Variants in MTAP observed in about 807,000 individuals in gnomAD.
MTAP encodes S-methyl-5'-thioadenosine phosphorylase.
In MTAP, 33 loss-of-function variants were observed where a neutral mutation model predicts 33.6. The ratio of observed to expected loss-of-function variants is 0.98; its 90% CI spans 0.74 to 1.31. MTAP has a LOEUF of 1.31. Ranked by LOEUF, MTAP falls within the 40% of genes most tolerant of loss-of-function variation. MTAP has a pLI of 0.00. For synonymous variants in MTAP, 148 were observed against 125.7 expected, an observed-to-expected ratio of 1.18 and a Z score of -1.19; for missense variants, 367 against 360.0, an observed-to-expected ratio of 1.02 and a Z score of -0.16.
intron 1 of MTAP, chr9:21,930,333 AAACCCAAGG>A (rs1477523575): frequency 4.7e-6 from 1 of 210,784 alleles, no homozygotes; most frequent in Non-Finnish European, 9.5e-6. Flanking sequence ...ACTTGTCTTA[AAACCCAAGG>A]AGCCTTCTGT....
chr9:21,921,162 A>G (rs1241009861), intron 1 of MTAP, among the ~76,000 whole-genome samples: 1 of 151,674 alleles, frequency 6.6e-6, no homozygotes, highest in Non-Finnish European at 1.5e-5. Context: ...TGTCTTTTAG[A>G]TTTTCCAAAA....
At chr9:21,840,000 G>A (rs1825204259) in intron 5 of MTAP, among the ~76,000 whole-genome samples, 1 of 152,220 alleles carries the variant, frequency 6.6e-6, no homozygotes, top group Non-Finnish European at 1.5e-5. Flanking sequence ...GCCAAGGCAG[G>A]CGGATCATGA....
intron 1 of MTAP, among the ~76,000 whole-genome samples, chr9:21,905,284 A>G (rs539487618): frequency 2.6e-5 from 4 of 151,982 alleles, no homozygotes; most frequent in African/African-American, 9.7e-5. Flanking sequence ...CCAGAAGGGG[A>G]ATGGAGTGTC....
intron 4 of MTAP, among the ~76,000 whole-genome samples, chr9:21,834,314 G>A (rs1437730677): frequency 2.0e-5 from 3 of 152,338 alleles, no homozygotes; most frequent in East Asian, 3.9e-4. Flanking sequence ...GAGTGGTAAA[G>A]CCAGTAGATA....
At chr9:21,929,303 C>G (rs1220926848) in intron 1 of MTAP, among the ~76,000 whole-genome samples, 2 of 152,172 alleles carry the variant, frequency 1.3e-5, no homozygotes, top group Non-Finnish European at 2.9e-5. Flanking sequence ...ATCCTTTCAC[C>G]TCAAAGTAAG....
chr9:21,906,199 A>C (rs1232028228), intron 1 of MTAP, among the ~76,000 whole-genome samples: 1 of 152,242 alleles, frequency 6.6e-6, no homozygotes, highest in Non-Finnish European at 1.5e-5. Context: ...ATGTTAGCAG[A>C]AGAAGAGATA....
intron 4 of MTAP, among the ~76,000 whole-genome samples, chr9:21,833,620 G>T (rs572554452): frequency 6.6e-6 from 1 of 152,108 alleles, no homozygotes; most frequent in Non-Finnish European, 1.5e-5. Flanking sequence ...CCCCTAAACC[G>T]TCCTCCTTAT....
At chr9:21,810,904 A>G (rs1398245934) in intron 1 of MTAP, among the ~76,000 whole-genome samples, 1 of 152,196 alleles carries the variant, frequency 6.6e-6, no homozygotes, top group Non-Finnish European at 1.5e-5. Flanking sequence ...CAGTCCTCAC[A>G]GCCTGAGACA....
Position 21,863,165 on chromosome 9 carries a change from G to A in MTAP, c.*1151G>A. On this transcript the variant is annotated 3_prime_UTR_variant, in exon 8 of 8. Transcript: ENST00000644715. ...AGTTTAACTATTTAAAAGACTAAAT[G>A]CACATTTTATGGTATCTGATATTTT... The A allele has an allele frequency of 2.1e-6, 2 of 964,328 alleles. No individual in the cohort carries two copies. The highest frequency in any genetic ancestry group is 2.5e-6 in the Non-Finnish European group (2 of 810,846). The allele number at this position is 964,328 out of a possible 1,614,324, so 59.7% of individuals were successfully genotyped here. A position where few individuals can be genotyped will look rare whatever the true frequency, so the allele number is the denominator to read the frequency against.
At chr9:21,917,506 A>G (rs1450687399) in intron 1 of MTAP, among the ~76,000 whole-genome samples, 1 of 152,214 alleles carries the variant, frequency 6.6e-6, no homozygotes, top group Non-Finnish European at 1.5e-5. Context: ...GCTTGTCACT[A>G]ATCATCAGGG....
At chr9:21,810,494 A>G (rs1444424151) in intron 1 of MTAP, among the ~76,000 whole-genome samples, 3 of 152,192 alleles carry the variant, frequency 2.0e-5, no homozygotes, top group African/African-American at 7.2e-5. Flanking sequence ...CAATGAGAGC[A>G]AGAACACCCT....
At chr9:21,804,191 T>G (rs1281248821) in intron 1 of MTAP, among the ~76,000 whole-genome samples, 2 of 152,224 alleles carry the variant, frequency 1.3e-5, no homozygotes, top group Admixed American at 1.3e-4. Context: ...TATTAAGTGG[T>G]AGTGCTTATA....
At chr9:21,824,831 C>T (rs1824745611) in intron 4 of MTAP, among the ~76,000 whole-genome samples, 1 of 152,188 alleles carries the variant, frequency 6.6e-6, no homozygotes, top group South Asian at 2.1e-4. Flanking sequence ...TTGCCGCCGC[C>T]TTGCAGTTTG....
Position 21,816,083 on chromosome 9 carries a change from A to G in MTAP, c.120+564A>G, listed in dbSNP as rs148641074. On this transcript the variant is annotated intron_variant, in intron 2 of 7. Transcript: ENST00000644715. ...CCTAGGCCGGGGTGAGGGTGTCTGC[A>G]TTCTCCTAATTCCATATTGCTACGT... Among the ~76,000 whole-genome samples the G allele has an allele frequency of 7.8e-3, 1,185 of 152,194 alleles. 15 individuals carry two copies. The highest frequency in any genetic ancestry group is 0.026 in the African/African-American group (1,073 of 41,518).
intron 4 of MTAP, among the ~76,000 whole-genome samples, chr9:21,824,035 C>G (rs1274248944): frequency 6.6e-6 from 1 of 152,188 alleles, no homozygotes; most frequent in African/African-American, 2.4e-5. Context: ...TTTTTAGCTT[C>G]TTTGCATTGG....
At chr9:21,874,756 G>T (rs1460547087) in intron 1 of MTAP, among the ~76,000 whole-genome samples, 1 of 146,782 alleles carries the variant, frequency 6.8e-6, no homozygotes, top group Non-Finnish European at 1.5e-5. Flanking sequence ...ATGCAGGTTT[G>T]TTACGGAGGT....
At chr9:21,861,952 C>CA (rs765097494) in intron 7 of MTAP, 24 bp from the exon 8 acceptor site, 1 of 1,294,250 alleles carries the variant, frequency 7.7e-7, no homozygotes, top group Non-Finnish European at 1.1e-6. Context: ...ATGTGAATAT[C>CA]ACTGCCTCCT....
intron 3 of MTAP, among the ~76,000 whole-genome samples, chr9:21,817,067 C>A (rs908435751): frequency 6.6e-6 from 1 of 152,110 alleles, no homozygotes; most frequent in African/African-American, 2.4e-5. Context: ...TTTCCCCCTT[C>A]TTATAAAGAT....
At chr9:21,859,582 T>G in intron 7 of MTAP, 157 bp downstream of exon 7, 1 of 711,576 alleles carries the variant, frequency 1.4e-6, no homozygotes, top group Non-Finnish European at 2.1e-6. Context: ...CAACCACTTG[T>G]GAAACTGAGT....
Sources: gnomAD v4.1 joint callset for allele counts (sites outside exome capture counted in the v4.1 genomes callset) on GRCh38, gnomAD v4.1.1 for gene constraint, MANE v1.5 for transcripts, NCBI Gene and HGNC (gene_info 2026-07-23, HGNC 2026-07-21) for gene names.